LRRC4C: variants seen among roughly 807,000 people sequenced by gnomAD.
LRRC4C encodes the protein leucine rich repeat containing 4C.
Under a neutral mutation model 33.6 loss-of-function variants are expected in LRRC4C, and 5 were observed. The observed-to-expected ratio is 0.15, with a 90% confidence interval of 0.08 to 0.31. The LOEUF (loss-of-function observed/expected upper bound fraction) is 0.31. Among genes scored for constraint, LRRC4C ranks in the 10% least tolerant of loss-of-function variants. The pLI is 1.00. For synonymous variants in LRRC4C, 329 were observed against 302.0 expected (o/e 1.09, Z -0.93); for missense variants, 560 against 796.7 (o/e 0.70, Z 3.58).
intron 5 of LRRC4C, among the ~76,000 whole-genome samples, chr11:40,157,437 T>C (rs4307705): frequency 0.4 from 60,875 of 151,984 alleles, 12,498 homozygotes; most frequent in South Asian, 0.51. Context: ...AGAGCTTTTG[T>C]ACAGCAAAAG....
At chr11:40,790,660 C>T (rs1277328414) in intron 2 of LRRC4C, among the ~76,000 whole-genome samples, 3 of 152,108 alleles carry the variant, frequency 2.0e-5, no homozygotes, top group Non-Finnish European at 4.4e-5. Flanking sequence ...AGTGCATTGG[C>T]CTAAAATCTC....
At chr11:40,416,603 A>G (rs1950333037) in intron 3 of LRRC4C, among the ~76,000 whole-genome samples, 1 of 152,202 alleles carries the variant, frequency 6.6e-6, no homozygotes. Flanking sequence ...ATTAATTATT[A>G]CAAAAACCAC....
intron 3 of LRRC4C, among the ~76,000 whole-genome samples, chr11:40,643,593 C>T (rs1942251934): frequency 6.6e-6 from 1 of 152,142 alleles, no homozygotes; most frequent in African/African-American, 2.4e-5. Flanking sequence ...TTCACCACCA[C>T]CCAGGAATAA....
chr11:41,314,535 G>A (rs1012098753), intron 1 of LRRC4C, among the ~76,000 whole-genome samples: 1 of 152,086 alleles, frequency 6.6e-6, no homozygotes, highest in Non-Finnish European at 1.5e-5. Flanking sequence ...ACCCTCTTGA[G>A]CTATCTGTAT....
intron 5 of LRRC4C, among the ~76,000 whole-genome samples, chr11:40,204,885 T>C (rs546111837): frequency 1.3e-5 from 2 of 152,238 alleles, no homozygotes; most frequent in Non-Finnish European, 2.9e-5. Flanking sequence ...TTTCTGGACA[T>C]GAGCAGGGGT....
chr11:41,060,288 C>T (rs1937657554), intron 1 of LRRC4C, among the ~76,000 whole-genome samples: 1 of 152,188 alleles, frequency 6.6e-6, no homozygotes, highest in Non-Finnish European at 1.5e-5. Flanking sequence ...ACTCTAAATG[C>T]CTACTCCTGG....
At chr11:41,339,651 A>T (rs551300214) in intron 1 of LRRC4C, among the ~76,000 whole-genome samples, 2 of 149,496 alleles carry the variant, frequency 1.3e-5, no homozygotes, top group Non-Finnish European at 2.9e-5. Flanking sequence ...AAACGCATTT[A>T]AAAAAATTAC....
In LRRC4C at chr11:40,115,785, T is replaced by C; in HGVS notation, c.508A>G (p.Arg170Gly). Reference protein sequence around the residue: ...IESIPSYAFNRIPSLRRLDLG... With the variant: ...IESIPSYAFNGIPSLRRLDLG... ...TCTAGTCGGCGCAAAGAAGGAATTC[T>C]GTTAAAAGCATAAGAAGGGATGCTT... Residue 170 changes from arginine (R) to glycine (G), a missense_variant, in exon 7 of 7, where the codon AGA becomes GGA. Transcript: ENST00000528697. The surrounding 1 kb of genome is among the most constrained non-coding windows in gnomAD (Gnocchi z 6.7). The C allele has an allele frequency of 6.2e-7, 1 of 1,614,186 alleles. No individual in the cohort carries two copies. Among genetic ancestry groups the C allele is most frequent in the Non-Finnish European group, 8.5e-7 (1 of 1,180,024 alleles).
chr11:40,491,455 TC>T (rs1169744936), intron 3 of LRRC4C, among the ~76,000 whole-genome samples: 1 of 152,172 alleles, frequency 6.6e-6, no homozygotes, highest in East Asian at 1.9e-4. Flanking sequence ...ACGGTTGCAG[TC>T]AAGGTGTTGG....
intron 1 of LRRC4C, among the ~76,000 whole-genome samples, chr11:41,037,372 C>T (rs1233681739): frequency 6.6e-6 from 1 of 151,598 alleles, no homozygotes; most frequent in Non-Finnish European, 1.5e-5. Flanking sequence ...CCAAGTCTCA[C>T]TCTGTCACCT....
intron 3 of LRRC4C, among the ~76,000 whole-genome samples, chr11:40,479,898 T>C (rs935082824): frequency 2.6e-5 from 4 of 152,198 alleles, no homozygotes; most frequent in Non-Finnish European, 5.9e-5. Flanking sequence ...AACCTTATTT[T>C]CTGCATTTGT....
chr11:40,565,900 G>A (rs1324798516), intron 3 of LRRC4C, among the ~76,000 whole-genome samples: 1 of 152,042 alleles, frequency 6.6e-6, no homozygotes, highest in African/African-American at 2.4e-5. Context: ...TCTATAATTT[G>A]TCTAGTTAGA....
chr11:41,364,597 G>A (rs573699546), intron 1 of LRRC4C, among the ~76,000 whole-genome samples: 12 of 152,160 alleles, frequency 7.9e-5, no homozygotes, highest in African/African-American at 2.4e-4. Flanking sequence ...ATGATTGATC[G>A]TCAAATGCAA....
intron 4 of LRRC4C, among the ~76,000 whole-genome samples, chr11:40,253,770 C>A (rs1866976804): frequency 6.6e-6 from 1 of 152,160 alleles, no homozygotes; most frequent in Non-Finnish European, 1.5e-5. Context: ...GTCAAATAAC[C>A]TTTCTCTGTC....
intron 2 of LRRC4C, among the ~76,000 whole-genome samples, chr11:40,771,688 T>C (rs1368923808): frequency 1.7e-4 from 26 of 152,188 alleles, no homozygotes; most frequent in Admixed American, 2.0e-4. Context: ...TCAAGTTCCA[T>C]AGGTCTCTAG....
At chr11:40,322,628 T>C (rs1945907985) in intron 3 of LRRC4C, among the ~76,000 whole-genome samples, 1 of 152,182 alleles carries the variant, frequency 6.6e-6, no homozygotes. Flanking sequence ...CAGAAGACCT[T>C]GGAGTCAGAC....
At chr11:40,724,769 A>G (rs1406450689) in intron 2 of LRRC4C, among the ~76,000 whole-genome samples, 3 of 152,140 alleles carry the variant, frequency 2.0e-5, no homozygotes, top group Non-Finnish European at 1.5e-5. Context: ...TGAAATTGAG[A>G]CCCCCCAAAA....
intron 2 of LRRC4C, among the ~76,000 whole-genome samples, chr11:40,714,407 C>T (rs1433532389): frequency 2.6e-5 from 4 of 152,198 alleles, no homozygotes; most frequent in East Asian, 1.9e-4. Context: ...TATCTCACAG[C>T]GTGCCTTGGA....
intron 4 of LRRC4C, among the ~76,000 whole-genome samples, chr11:40,268,051 C>T (rs888998531): frequency 1.3e-5 from 2 of 152,142 alleles, no homozygotes; most frequent in Non-Finnish European, 2.9e-5. Context: ...CTGAGAATGG[C>T]GTACAGCTCC....
Sources: gnomAD v4.1 joint callset for allele counts (sites outside exome capture counted in the v4.1 genomes callset) on GRCh38, gnomAD v4.1.1 for gene constraint, Gnocchi (gnomAD v3.1) non-coding constraint, MANE v1.5 for transcripts, NCBI Gene and HGNC (gene_info 2026-07-23, HGNC 2026-07-21) for gene names.